Variants in KIAA0930 observed in about 807,000 individuals in gnomAD.
KIAA0930 encodes the protein uncharacterized protein KIAA0930.
Under a neutral mutation model 43.9 loss-of-function variants are expected in KIAA0930, and 24 were observed. The observed-to-expected ratio is 0.55, with a 90% CI of 0.40 to 0.77. KIAA0930 has a LOEUF of 0.77. Ranked by LOEUF, KIAA0930 falls within the 30% of genes least tolerant of loss-of-function variation. KIAA0930 has a pLI of 0.00. For missense variants in KIAA0930, 461 were observed against 574.2 expected (o/e 0.80, Z 2.02); for synonymous variants, 259 against 216.4 (o/e 1.20, Z -1.73).
chr22:45,197,654 A>T, intron 9 of KIAA0930, 136 bp downstream of exon 9: 1 of 849,090 alleles, frequency 1.2e-6, no homozygotes, highest in Non-Finnish European at 1.9e-6. Context: ...CAAAGAGGCC[A>T]AGAGCCCTGC....
Position 45,205,784 on chromosome 22 carries a change from A to G in KIAA0930, c.336+9T>C. On this transcript the variant is annotated intron_variant, in intron 3 of 9. Transcript: ENST00000336156. ...GCCAATCCGCAGCCCCACCCATCCC[A>G]CCCCATACCTTCTGCAGGATGAGAT... The G allele has an allele frequency of 3.5e-6, 1 of 284,404 alleles. No homozygotes were observed. Among genetic ancestry groups the G allele is most frequent in the Non-Finnish European group, 6.3e-6 (1 of 159,606 alleles). The allele number at this position is 284,404 out of a possible 1,614,324, so 17.6% of individuals were successfully genotyped here.
chr22:45,236,425 C>T (rs919580214), intron 1 of KIAA0930: 3 of 152,170 alleles, frequency 2.0e-5, no homozygotes, highest in African/African-American at 4.8e-5. Flanking sequence ...TCTGCTCCTC[C>T]ATCCACACAA....
At chr22:45,218,333 ATTTTTTTTTTTTTTTTTTT>A (rs752298111) in intron 1 of KIAA0930, among the ~76,000 whole-genome samples, 1 of 51,704 alleles carries the variant, frequency 1.9e-5, no homozygotes, top group African/African-American at 8.1e-5. Flanking sequence ...AATTTTTTTG[ATTTTTTTTTTTTTTTTTTT>A]TTTTTTTTTT....
chr22:45,203,230 C>T (rs1322377642), intron 6 of KIAA0930, 46 bp from the exon 7 acceptor site: 22 of 1,536,184 alleles, frequency 1.4e-5, no homozygotes, highest in Non-Finnish European at 1.9e-5. Context: ...GTGGCGATGG[C>T]TCCATGGGGC....
Position 45,197,195 on chromosome 22 carries a change from T to C in KIAA0930, c.1196A>G (p.Lys399Arg). 1 of 1,550,400 alleles carries C rather than the reference T, an allele frequency of 6.4e-7. No individual in the cohort carries two copies. Residue 399 changes from lysine (K) to arginine (R), a missense_variant, in exon 10 of 10, where the codon AAG becomes AGG. Lys to Arg is a conservative substitution (Grantham distance 26). Transcript: ENST00000336156. ...ILTDILEVRQ[K>R]PILMT ...ACGCGGCTAGGTCATCAGGATGGGC[T>C]TCTGCCGAACTTCCAGGATGTCTAG...
At chr22:45,198,160 C>T in intron 8 of KIAA0930, 1 of 575,304 alleles carries the variant, frequency 1.7e-6, no homozygotes, top group Non-Finnish European at 3.1e-6. Context: ...ACCCAGGCCT[C>T]CAACTCCAGG....
At chr22:45,240,502 G>C (rs1340759015) in intron 1 of KIAA0930, 138 bp downstream of exon 1, 1 of 551,830 alleles carries the variant, frequency 1.8e-6, no homozygotes, top group Non-Finnish European at 3.2e-6. Flanking sequence ...GGAAGACAGG[G>C]TACCCAGGCA....
At chr22:45,217,358 C>T (rs1372342836) in intron 1 of KIAA0930, among the ~76,000 whole-genome samples, 2 of 77,922 alleles carry the variant, frequency 2.6e-5, no homozygotes, top group Non-Finnish European at 4.8e-5. Context: ...AAGACCCCGT[C>T]TCAAAAAAAA....
intron 1 of KIAA0930, among the ~76,000 whole-genome samples, chr22:45,237,847 C>T (rs1401110502): frequency 6.6e-6 from 1 of 151,974 alleles, no homozygotes; most frequent in Non-Finnish European, 1.5e-5. Context: ...GTGAGAGGTG[C>T]GCTCCACTCT....
chr22:45,235,842 G>C (rs189647192), intron 1 of KIAA0930, among the ~76,000 whole-genome samples: 8 of 152,314 alleles, frequency 5.3e-5, no homozygotes, highest in African/African-American at 1.9e-4. Flanking sequence ...CTTAGCCAGG[G>C]CTCACAGTCT....
rs71190644 is a variant in KIAA0930, at chr22:45,194,052, CTTTTTTTTTTTTTTTTTTTTTTTTT to C, written c.*3099_*3123del. 1.1e-4 allele frequency: 5 copies of C among 44,332 alleles called. No homozygotes were observed. Among genetic ancestry groups the C allele is most frequent in the African/African-American group, 1.8e-4 (2 of 11,024 alleles). 2.7% of individuals were successfully genotyped at this position (44,332 alleles called of 1,614,324 possible). On this transcript the variant is annotated 3_prime_UTR_variant, in exon 10 of 10. Transcript: ENST00000336156. The stretch of plus-strand genomic sequence containing the variant: ...GGTTTGGGTTTAAAGACCAATGTAT[CTTTTTTTTTTTTTTTTTTTTTTTTT>C]TTTTTTTTTTTTTTGAGACAGAGTT...
rs552701214 is a variant in KIAA0930, at chr22:45,215,724, C to T, written c.65-3617G>A. On this transcript the variant is annotated intron_variant, in intron 1 of 9. Transcript: ENST00000336156. ...GTTGTAGACACAATGATGACAACTA[C>T]GTAAATCACATGGAAACACCAGAGG... Among the ~76,000 whole-genome samples, 7 of 152,288 alleles carry T rather than the reference C, an allele frequency of 4.6e-5. No individual in the cohort carries two copies. The South Asian group carries it at 1.2e-3, about 27-fold the overall frequency.
intron 1 of KIAA0930, chr22:45,213,333 C>T: frequency 7.7e-7 from 1 of 1,303,748 alleles, no homozygotes; most frequent in Non-Finnish European, 1.0e-6. Context: ...ACTCCCATGC[C>T]CTGCCTGGCT....
intron 1 of KIAA0930, among the ~76,000 whole-genome samples, chr22:45,239,148 T>C (rs543317101): frequency 3.3e-5 from 5 of 151,860 alleles, no homozygotes; most frequent in Non-Finnish European, 7.4e-5. Context: ...GGACAATAGG[T>C]GTGTGTGGAC....
chr22:45,197,997 G>A (rs370060626), intron 8 of KIAA0930, 49 bp from the exon 9 acceptor site: 77 of 1,593,998 alleles, frequency 4.8e-5, no homozygotes, highest in African/African-American at 3.0e-4. Context: ...GGGACGCGGC[G>A]GGAGCAGCAG....
Position 45,240,641 on chromosome 22 carries a change from G to T in KIAA0930, c.63C>A (p.Leu21=). The change falls in exon 1 of 10, where the codon CTC becomes CTA. Residue 21 remains leucine, a splice_region_variant and synonymous_variant. Coordinates refer to ENST00000336156, the MANE Select transcript of KIAA0930 (RefSeq NM_001009880.2). ...RLSLRREVCG[L]GCFKDDRIVF... ...GCCTCGCCCCCGGGTCCCACTCACC[G>T]AGGCCGCAGACCTCGCGGCGCAGGC... 2 of 1,524,932 alleles carry T rather than the reference G, an allele frequency of 1.3e-6. No homozygotes were observed. The highest frequency in any genetic ancestry group is 1.8e-6 in the Non-Finnish European group (2 of 1,142,054). 94.5% of individuals were successfully genotyped at this position (1,524,932 alleles called of 1,614,324 possible).
At chr22:45,202,924 C>G (rs572724126) in intron 7 of KIAA0930, 66 bp downstream of exon 7, 3 of 1,382,036 alleles carry the variant, frequency 2.2e-6, no homozygotes, top group Non-Finnish European at 2.0e-6. Flanking sequence ...GCCGTGAGCA[C>G]GGGGGAGACG....
In KIAA0930 at chr22:45,240,693, G is replaced by A. The variant is rs969881513; in HGVS notation, c.11C>T (p.Ala4Val). Residue 4 changes from alanine to valine, a missense_variant, in exon 1 of 10, where the codon GCC becomes GTC. Transcript: ENST00000336156. MLR[A>V]IAEERGRLSL... ...AAGACGGCCGCGCTCCTCCGCTATGGCACGCAGCATGTGCTGCAGCGAGCG... is the reference window on the plus strand; with the variant it reads ...AAGACGGCCGCGCTCCTCCGCTATGACACGCAGCATGTGCTGCAGCGAGCG... The A allele has an allele frequency of 7.1e-6, 10 of 1,410,956 alleles. No homozygotes were observed. Among genetic ancestry groups the A allele is most frequent in the African/African-American group, 4.8e-5 (2 of 41,772 alleles). The allele number at this position is 1,410,956 out of a possible 1,614,324, so 87.4% of individuals were successfully genotyped here. A position where few individuals can be genotyped will look rare whatever the true frequency, so the allele number is the denominator to read the frequency against.
chr22:45,220,219 G>A (rs534390282), intron 1 of KIAA0930, among the ~76,000 whole-genome samples: 4 of 152,102 alleles, frequency 2.6e-5, no homozygotes, highest in East Asian at 1.9e-4. Context: ...TTGGGAGGCC[G>A]AGGCAGGAGG....
Sources: gnomAD v4.1 joint callset for allele counts (sites outside exome capture counted in the v4.1 genomes callset) on GRCh38, gnomAD v4.1.1 for gene constraint, MANE v1.5 for transcripts, NCBI Gene and HGNC (gene_info 2026-07-23, HGNC 2026-07-21) for gene names.